KLHL32: variants seen among roughly 807,000 people sequenced by gnomAD.
KLHL32 encodes kelch-like protein 32.
In KLHL32, 35 loss-of-function variants were observed where a neutral mutation model predicts 64.8. The observed-to-expected ratio is 0.54, with a 90% CI of 0.41 to 0.72. KLHL32 has a LOEUF of 0.72. KLHL32 is among the 30% of genes least tolerant of loss of function. The pLI, the probability that KLHL32 is intolerant of heterozygous loss-of-function variation, is 0.00. For missense variants in KLHL32, 589 were observed against 768.5 expected (o/e 0.77, Z 2.76); for synonymous variants, 259 against 281.0 (o/e 0.92, Z 0.78).
At chr6:96,949,348 G>C (rs1440687429) in intron 1 of KLHL32, among the ~76,000 whole-genome samples, 1 of 151,988 alleles carries the variant, frequency 6.6e-6, no homozygotes, top group Admixed American at 6.6e-5. Context: ...TTCTCTTCAT[G>C]CAATTCTTTT....
At chr6:96,974,420 T>C (rs1275246118) in intron 2 of KLHL32, among the ~76,000 whole-genome samples, 1 of 152,186 alleles carries the variant, frequency 6.6e-6, no homozygotes, top group Non-Finnish European at 1.5e-5. Context: ...CAAAAAATTA[T>C]TTATGCTTCT....
At chr6:97,045,980 A>G (rs1785863182) in intron 4 of KLHL32, among the ~76,000 whole-genome samples, 3 of 152,164 alleles carry the variant, frequency 2.0e-5, no homozygotes, top group African/African-American at 7.2e-5. Flanking sequence ...GTGCCTTTAA[A>G]AAGAAAGAAA....
At chr6:97,038,063 A>T (rs1562267866) in intron 3 of KLHL32, among the ~76,000 whole-genome samples, 1 of 152,204 alleles carries the variant, frequency 6.6e-6, no homozygotes, top group Non-Finnish European at 1.5e-5. Context: ...CAACTATGAA[A>T]TAACTAGAAG....
chr6:97,130,670 G>A, intron 8 of KLHL32, 87 bp from the exon 9 acceptor site: 1 of 935,380 alleles, frequency 1.1e-6, no homozygotes, highest in Non-Finnish European at 1.6e-6. Flanking sequence ...TAAACATTAG[G>A]GTTCTCACTA....
chr6:97,095,097 T>C (rs1010461571), intron 6 of KLHL32, among the ~76,000 whole-genome samples: 1 of 152,232 alleles, frequency 6.6e-6, no homozygotes, highest in African/African-American at 2.4e-5. Flanking sequence ...TTATACTAAA[T>C]TGACTATAAG....
intron 5 of KLHL32, 124 bp from the exon 6 acceptor site, chr6:97,085,002 T>C (rs916404585): frequency 1.6e-5 from 11 of 688,368 alleles, no homozygotes; most frequent in African/African-American, 7.2e-5. Flanking sequence ...TTTTTTATAC[T>C]AGCCCTCCCA....
At position 96,971,256 on chromosome 6, in the gene KLHL32, G is replaced by A. The variant is rs553529506; in HGVS notation, c.23+4173G>A. The stretch of plus-strand genomic sequence containing the variant: ...AAATGCAGATGTTTAAAACCATATA[G>A]CTGTTTTCGGAATTTACAACTTTAA... On this transcript the variant is annotated intron_variant, in intron 2 of 10. Transcript: ENST00000369261. 1.4e-3 allele frequency among the ~76,000 whole-genome samples: 207 copies of A among 152,246 alleles called. 2 individuals carry two copies. The highest frequency in any genetic ancestry group is 2.7e-3 in the Non-Finnish European group (185 of 68,010).
Position 97,051,600 on chromosome 6 carries a change from TG to T in KLHL32, c.312+10004del, listed in dbSNP as rs1364157515. On this transcript the variant is annotated intron_variant, in intron 4 of 10. Coordinates refer to ENST00000369261, the MANE Select transcript of KLHL32 (RefSeq NM_052904.4). ...ATCTGAGATTTTTACTTTGCCATGGTGGGTAAACAGCACAGAAATCATTACA... is the reference window on the plus strand; with the variant it reads ...ATCTGAGATTTTTACTTTGCCATGGTGGTAAACAGCACAGAAATCATTACA... Among the ~76,000 whole-genome samples, 35 of 152,304 alleles carry T rather than the reference TG, an allele frequency of 2.3e-4. 1 individual carries two copies. The South Asian group carries it at 5.4e-3, about 23-fold the overall frequency.
intron 10 of KLHL32, among the ~76,000 whole-genome samples, chr6:97,135,109 G>A (rs1362356509): frequency 6.6e-6 from 1 of 151,770 alleles, no homozygotes; most frequent in Non-Finnish European, 1.5e-5. Context: ...CTGTATTAGT[G>A]GAATAAGTTT....
At chr6:97,065,396 G>C (rs1789587242) in intron 5 of KLHL32, among the ~76,000 whole-genome samples, 3 of 152,130 alleles carry the variant, frequency 2.0e-5, no homozygotes, top group Admixed American at 2.0e-4. Flanking sequence ...CTTGTCTGAG[G>C]CAATATGGCT....
At chr6:97,004,962 C>T (rs1779482478) in intron 3 of KLHL32, among the ~76,000 whole-genome samples, 1 of 151,486 alleles carries the variant, frequency 6.6e-6, no homozygotes, top group Admixed American at 6.6e-5. Context: ...TATGGGTCTG[C>T]TAGGTTTTGG....
intron 6 of KLHL32, among the ~76,000 whole-genome samples, chr6:97,092,851 C>T (rs1303853146): frequency 6.6e-6 from 1 of 152,084 alleles, no homozygotes; most frequent in African/African-American, 2.4e-5. Context: ...ATCCTCAGTG[C>T]TAGAGCTGTG....
chr6:96,971,123 T>G (rs1206050318), intron 2 of KLHL32, among the ~76,000 whole-genome samples: 1 of 152,224 alleles, frequency 6.6e-6, no homozygotes, highest in Admixed American at 6.5e-5. Flanking sequence ...AATATGTAAG[T>G]ATGTAACACC....
intron 4 of KLHL32, among the ~76,000 whole-genome samples, chr6:97,044,899 G>GT (rs1276590874): frequency 1.6e-4 from 24 of 149,030 alleles, no homozygotes; most frequent in Admixed American, 6.1e-4. Context: ...GAATCTTCTC[G>GT]TTTTTTTTCT....
chr6:97,021,249 T>A (rs1291637549), intron 3 of KLHL32, among the ~76,000 whole-genome samples: 1 of 150,748 alleles, frequency 6.6e-6, no homozygotes, highest in Admixed American at 6.6e-5. Flanking sequence ...TCACTGATGT[T>A]TGCTGTATGA....
the KLHL32 span, among the ~76,000 whole-genome samples, chr6:96,914,478 T>G: frequency 0.02 from 3,020 of 152,232 alleles, 104 homozygotes; most frequent in African/African-American, 0.07. Flanking sequence ...ATTTGAAATG[T>G]GGCTTTACCA....
intron 1 of KLHL32, among the ~76,000 whole-genome samples, chr6:96,937,933 C>T (rs1159531166): frequency 2.6e-5 from 4 of 152,186 alleles, no homozygotes; most frequent in Non-Finnish European, 5.9e-5. Context: ...TCTCCACCTG[C>T]CTTCTAATTC....
intron 4 of KLHL32, among the ~76,000 whole-genome samples, chr6:97,057,779 A>G (rs1788253285): frequency 6.6e-6 from 1 of 152,088 alleles, no homozygotes. Flanking sequence ...TCTTTCATGG[A>G]CCATGTTTTT....
chr6:97,120,554 A>G (rs1798248585), intron 7 of KLHL32, among the ~76,000 whole-genome samples: 1 of 152,190 alleles, frequency 6.6e-6, no homozygotes, highest in South Asian at 2.1e-4. Context: ...CTCATGATGA[A>G]AGGTTATGAG....
Sources: gnomAD v4.1 joint callset for allele counts (sites outside exome capture counted in the v4.1 genomes callset) on GRCh38, gnomAD v4.1.1 for gene constraint, MANE v1.5 for transcripts, NCBI Gene and HGNC (gene_info 2026-07-23, HGNC 2026-07-21) for gene names.